Variants in RYR2 observed in about 807,000 individuals in gnomAD.
The protein encoded by RYR2 is cardiac muscle ryanodine receptor-calcium release channel.
In RYR2, 227 loss-of-function variants were observed where a neutral mutation model predicts 601.1. That is an observed-to-expected ratio of 0.38 (90% CI 0.34 to 0.42). The LOEUF (loss-of-function observed/expected upper bound fraction) is 0.42. Among genes scored for constraint, RYR2 ranks in the 10% least tolerant of loss-of-function variants. The pLI, the probability that RYR2 is intolerant of heterozygous loss-of-function variation, is 1.00. For missense variants in RYR2, 4,646 were observed against 6,156.5 expected (o/e 0.75, Z 8.21); for synonymous variants, 2,223 against 2,175.1 (o/e 1.02, Z -0.61).
Position 237,833,456 on chromosome 1 carries a change from T to C in RYR2, c.*809T>C, listed in dbSNP as rs1664048928. ...AATCTTTGTATGAAAACAAAAAGACTGCAAAAAATACACTTTCAAAAGAAA... is the reference window on the plus strand; with the variant it reads ...AATCTTTGTATGAAAACAAAAAGACCGCAAAAAATACACTTTCAAAAGAAA... On this transcript the variant is annotated 3_prime_UTR_variant, in exon 105 of 105. Transcript: ENST00000366574. 6.9e-6 allele frequency: 1 copy of C among 144,304 alleles called. No individual in the cohort carries two copies. Among genetic ancestry groups the C allele is most frequent in the African/African-American group, 2.6e-5 (1 of 38,856 alleles). 8.9% of individuals were successfully genotyped at this position (144,304 alleles called of 1,614,324 possible).
chr1:237,161,130 A>G (rs975846107), intron 1 of RYR2, among the ~76,000 whole-genome samples: 3 of 152,190 alleles, frequency 2.0e-5, no homozygotes, highest in African/African-American at 7.2e-5. Flanking sequence ...TGCAAATATT[A>G]TGGGTAAAAA....
intron 2 of RYR2, among the ~76,000 whole-genome samples, chr1:237,282,302 A>G: frequency 6.6e-6 from 1 of 152,054 alleles, no homozygotes; most frequent in East Asian, 1.9e-4. Context: ...CCATATGTAA[A>G]CAGATGAACA....
Position 237,423,130 on chromosome 1 carries a change from G to A in RYR2, c.887G>A (p.Arg296Gln), listed in dbSNP as rs1705763277. 3 of 1,613,790 alleles carry A rather than the reference G, an allele frequency of 1.9e-6. No homozygotes were observed. Among genetic ancestry groups the A allele is most frequent in the South Asian group, 1.1e-5 (1 of 91,046 alleles). Residue 296 changes from arginine to glutamine, a missense_variant, in exon 12 of 105, where the codon CGA becomes CAA. Coordinates refer to ENST00000366574, the MANE Select transcript of RYR2 (RefSeq NM_001035.3). Reference protein sequence around the residue: ...GSHIRWGQPFRLRHVTTGKYL... With the variant: ...GSHIRWGQPFQLRHVTTGKYL... ...CACATAAGATGGGGACAGCCATTCC[G>A]ACTACGCCATGTCACAACAGGAAAA...
intron 2 of RYR2, among the ~76,000 whole-genome samples, chr1:237,330,588 A>G (rs1340776135): frequency 2.6e-5 from 4 of 152,238 alleles, no homozygotes; most frequent in South Asian, 4.2e-4. Flanking sequence ...GGGTTTCACT[A>G]TGTTGGCCAG....
At chr1:237,525,356 C>G (rs1667462142) in intron 24 of RYR2, among the ~76,000 whole-genome samples, 1 of 152,148 alleles carries the variant, frequency 6.6e-6, no homozygotes, top group Admixed American at 6.5e-5. Context: ...TTTCTTTTTG[C>G]AGTCAACAGT....
intron 20 of RYR2, 94 bp downstream of exon 20, chr1:237,496,846 A>G: frequency 2.8e-6 from 4 of 1,409,298 alleles, no homozygotes; most frequent in African/African-American, 1.4e-5. Context: ...AGGTACTTCT[A>G]TAGGGTATTA....
At chr1:237,794,786 C>T (rs1364389890) in intron 95 of RYR2, among the ~76,000 whole-genome samples, 1 of 152,166 alleles carries the variant, frequency 6.6e-6, no homozygotes, top group Non-Finnish European at 1.5e-5. Context: ...AGCAATTCTA[C>T]CATTAATACT....
intron 1 of RYR2, among the ~76,000 whole-genome samples, chr1:237,189,187 C>T (rs1018890956): frequency 6.6e-6 from 1 of 152,142 alleles, no homozygotes; most frequent in South Asian, 2.1e-4. Flanking sequence ...GCATGATATT[C>T]CTGAGCTTCA....
rs552550696 is a variant in RYR2, at chr1:237,094,572, A to T, written c.48+52003A>T. On this transcript the variant is annotated intron_variant, in intron 1 of 104. Transcript: ENST00000366574. ...TGCATCATTTGTTTTGTCTTTATAA[A>T]TATTATTATTATTATTTTTTGAGAC... Among the ~76,000 whole-genome samples the T allele has an allele frequency of 4.6e-5, 7 of 151,816 alleles. No individual in the cohort carries two copies. In the South Asian group the frequency reaches 1.2e-3, roughly 27 times the overall value.
intron 2 of RYR2, among the ~76,000 whole-genome samples, chr1:237,318,479 C>T (rs1695316454): frequency 2.0e-5 from 3 of 152,072 alleles, no homozygotes; most frequent in Admixed American, 1.3e-4. Context: ...AAGGAAGCTC[C>T]TTCAGAACTT....
chr1:237,358,731 C>T (rs1213257645), intron 4 of RYR2, among the ~76,000 whole-genome samples: 1 of 151,906 alleles, frequency 6.6e-6, no homozygotes, highest in Non-Finnish European at 1.5e-5. Flanking sequence ...TGTAGGACTA[C>T]ACCCAGCCTT....
At chr1:237,297,119 A>G (rs563857454) in intron 2 of RYR2, among the ~76,000 whole-genome samples, 26 of 152,342 alleles carry the variant, frequency 1.7e-4, no homozygotes, top group South Asian at 8.3e-4. Context: ...AACAGTTGCC[A>G]AAAAAGCAAA....
chr1:237,315,322 TG>T (rs1217941956), intron 2 of RYR2, among the ~76,000 whole-genome samples: 9 of 152,280 alleles, frequency 5.9e-5, no homozygotes, highest in African/African-American at 1.4e-4. Context: ...GAAGATACTA[TG>T]TTTTTTTTCA....
intron 17 of RYR2, among the ~76,000 whole-genome samples, chr1:237,473,550 G>A (rs1217836553): frequency 6.6e-6 from 1 of 151,714 alleles, no homozygotes; most frequent in Non-Finnish European, 1.5e-5. Context: ...AAGTTGCCTG[G>A]CTGTAGATAT....
chr1:237,324,655 G>T (rs530721713), intron 2 of RYR2, among the ~76,000 whole-genome samples: 2 of 152,032 alleles, frequency 1.3e-5, no homozygotes, highest in Non-Finnish European at 1.5e-5. Flanking sequence ...CTTTGAAGTC[G>T]GATAAGTATT....
rs900171002 is a variant in RYR2, at chr1:237,828,462, A to G, written c.14655+17A>G. On this transcript the variant is annotated intron_variant, in intron 102 of 104. Coordinates refer to ENST00000366574, the MANE Select transcript of RYR2 (RefSeq NM_001035.3). ...GACATGGAGGTAAGCTTCTCCATTC[A>G]TGACTCAGCTTCTTTGTTGTCCTGG... is the stretch of plus-strand genomic sequence containing the variant. 4.6e-6 allele frequency: 7 copies of G among 1,530,722 alleles called. No individual in the cohort carries two copies. Among genetic ancestry groups the G allele is most frequent in the Non-Finnish European group, 6.2e-6 (7 of 1,126,590 alleles). The allele number at this position is 1,530,722 out of a possible 1,614,324, so 94.8% of individuals were successfully genotyped here.
rs145140335 is a variant in RYR2, at chr1:237,643,306, GT to G, written c.7222-12del. On this transcript the variant is annotated intron_variant, in intron 47 of 104. Transcript: ENST00000366574. ...ATTGATGTCACAAAGTTGTTCTAAT[GT>G]TTTTTTTTCCCCTGTATAGTTGATT... is the stretch of plus-strand genomic sequence containing the variant. The G allele has an allele frequency of 3.1e-5, 49 of 1,580,562 alleles. No homozygotes were observed. The highest frequency in any genetic ancestry group is 1.3e-4 in the South Asian group (11 of 87,682).
At chr1:237,591,036 AG>A (rs967897327) in intron 31 of RYR2, 44 bp downstream of exon 31, 4 of 1,555,092 alleles carry the variant, frequency 2.6e-6, no homozygotes, top group Non-Finnish European at 3.5e-6. Flanking sequence ...TAGTTATGTG[AG>A]GAAGGTTACA....
At chr1:237,475,271 C>G (rs1015077195) in intron 17 of RYR2, among the ~76,000 whole-genome samples, 10 of 152,252 alleles carry the variant, frequency 6.6e-5, no homozygotes, top group African/African-American at 2.4e-4. Flanking sequence ...TTCTTACTGA[C>G]TATGAGATTA....
Sources: allele counts gnomAD v4.1 joint callset (sites outside exome capture counted in the v4.1 genomes callset), GRCh38; gene constraint gnomAD v4.1.1; transcripts MANE v1.5; gene names NCBI Gene and HGNC (gene_info 2026-07-23, HGNC 2026-07-21).